NRXN3: variants seen among roughly 807,000 people sequenced by gnomAD.
NRXN3 encodes the protein neurexin III.
In NRXN3, 32 loss-of-function variants were observed where a neutral mutation model predicts 137.6. The ratio of observed to expected loss-of-function variants is 0.23; its 90% CI spans 0.18 to 0.31. The LOEUF (loss-of-function observed/expected upper bound fraction) is 0.31, where lower values mean the gene tolerates loss of function less well. Among genes scored for constraint, NRXN3 ranks in the 10% least tolerant of loss-of-function variants. The pLI is 1.00. For synonymous variants in NRXN3, 798 were observed against 784.5 expected, an observed-to-expected ratio of 1.02 and a Z score of -0.29; for missense variants, 1,574 against 2,062.5, an observed-to-expected ratio of 0.76 and a Z score of 4.59.
chr14:79,584,383 A>G (rs966633229), intron 16 of NRXN3, among the ~76,000 whole-genome samples: 8 of 152,234 alleles, frequency 5.3e-5, no homozygotes, highest in South Asian at 4.2e-4. Flanking sequence ...AGAATACCCT[A>G]CTCTTCACAG....
chr14:78,699,224 T>C (rs371203976), intron 6 of NRXN3, among the ~76,000 whole-genome samples: 3 of 152,206 alleles, frequency 2.0e-5, no homozygotes, highest in South Asian at 2.1e-4. Context: ...GGTAGAAATA[T>C]TGAAGAAGGT....
intron 15 of NRXN3, among the ~76,000 whole-genome samples, chr14:79,390,806 C>T (rs2094820520): frequency 6.6e-6 from 1 of 152,094 alleles, no homozygotes; most frequent in African/African-American, 2.4e-5. Flanking sequence ...AGACTTAATC[C>T]TCAAGGCAAC....
rs2073973693 is a variant in NRXN3 at position 78,278,713 on chromosome 14, T to C, written c.727+51T>C. 7 of 1,485,246 alleles carry C rather than the reference T, an allele frequency of 4.7e-6. No individual in the cohort carries two copies. In the South Asian group the frequency reaches 7.2e-5, roughly 15 times the overall value. The allele number at this position is 1,485,246 out of a possible 1,614,324, so 92.0% of individuals were successfully genotyped here. A position where few individuals can be genotyped will look rare whatever the true frequency, so the allele number is the denominator to read the frequency against. ...CTGTGGGAATTTCCCCTCTGCTAGA[T>C]TGTGCATGGTTTGAGTCTGAGTGAG... On this transcript the variant is annotated intron_variant, in intron 3 of 20. Transcript: ENST00000335750.
At chr14:79,625,301 A>G (rs2153911085) in intron 16 of NRXN3, among the ~76,000 whole-genome samples, 1 of 152,328 alleles carries the variant, frequency 6.6e-6, no homozygotes, top group Non-Finnish European at 1.5e-5. Flanking sequence ...GAAAAAAATG[A>G]ACATGTGGGT....
chr14:79,803,488 G>A (rs1039291138), intron 19 of NRXN3, among the ~76,000 whole-genome samples: 2 of 152,084 alleles, frequency 1.3e-5, no homozygotes, highest in Non-Finnish European at 2.9e-5. Context: ...TCCTCCCACT[G>A]GGTATGTCTG....
chr14:78,434,976 T>C (rs186541467), intron 4 of NRXN3, among the ~76,000 whole-genome samples: 11 of 152,306 alleles, frequency 7.2e-5, no homozygotes, highest in Admixed American at 5.2e-4. Flanking sequence ...TGCAGGCGGC[T>C]AAAGCCATTC....
At position 78,246,412 on chromosome 14, in the gene NRXN3, G is replaced by C. The variant is rs180935972; in HGVS notation, c.709+2610G>C. ...CCTACAAGGTTCAGATCATCTCCTG[G>C]CTACGGATTGATACCCCTATCTGTA... On this transcript the variant is annotated intron_variant, in intron 2 of 20. Coordinates refer to ENST00000335750, the MANE Select transcript of NRXN3 (RefSeq NM_001330195.2). 7.9e-5 allele frequency among the ~76,000 whole-genome samples: 12 copies of C among 152,026 alleles called. No homozygotes were observed. The East Asian group carries it at 2.3e-3, about 29-fold the overall frequency.
At chr14:78,555,337 A>G (rs1035635916) in intron 4 of NRXN3, among the ~76,000 whole-genome samples, 1 of 152,204 alleles carries the variant, frequency 6.6e-6, no homozygotes, top group Non-Finnish European at 1.5e-5. Flanking sequence ...AAATTGAGTC[A>G]TGTAATGGAT....
chr14:79,588,448 T>A (rs2097778487), intron 16 of NRXN3, among the ~76,000 whole-genome samples: 1 of 152,228 alleles, frequency 6.6e-6, no homozygotes, highest in Admixed American at 6.5e-5. Flanking sequence ...CCCAGCTATA[T>A]CCTGTTAGTT....
intron 16 of NRXN3, among the ~76,000 whole-genome samples, chr14:79,508,674 G>A (rs112262286): frequency 6.6e-6 from 1 of 151,682 alleles, no homozygotes; most frequent in East Asian, 2.0e-4. Context: ...TTACAGGTGT[G>A]AGCCACCGCG....
At chr14:79,275,116 A>G (rs2080080796) in intron 15 of NRXN3, among the ~76,000 whole-genome samples, 1 of 152,232 alleles carries the variant, frequency 6.6e-6, no homozygotes. Flanking sequence ...CTGACATGTA[A>G]TAAAGCAAAG....
At chr14:79,412,227 A>T (rs1449416566) in intron 15 of NRXN3, among the ~76,000 whole-genome samples, 1 of 152,128 alleles carries the variant, frequency 6.6e-6, no homozygotes, top group Non-Finnish European at 1.5e-5. Context: ...ATGTGTGCCT[A>T]AATATCTTCA....
intron 8 of NRXN3, among the ~76,000 whole-genome samples, chr14:78,791,533 C>T (rs1446862778): frequency 6.6e-6 from 1 of 152,082 alleles, no homozygotes; most frequent in Non-Finnish European, 1.5e-5. Context: ...TACTAATATC[C>T]TTATATATGA....
intron 16 of NRXN3, among the ~76,000 whole-genome samples, chr14:79,553,969 T>C (rs895485321): frequency 6.6e-6 from 1 of 152,176 alleles, no homozygotes; most frequent in Non-Finnish European, 1.5e-5. Flanking sequence ...TAATTTATGA[T>C]GATGGAGTCA....
rs376793507 is a variant in NRXN3 at position 79,162,419 on chromosome 14, T to C, written c.3262+174278T>C. On this transcript the variant is annotated intron_variant, in intron 15 of 20. Transcript: ENST00000335750. ...TTGGTTTTTTGTTCTTGCGATAGTT[T>C]ACTGAGAATGATGATTTCCAGTTTC... is the stretch of plus-strand genomic sequence containing the variant. Among the ~76,000 whole-genome samples the C allele has an allele frequency of 9.9e-5, 15 of 151,918 alleles. No homozygotes were observed. In the South Asian group the frequency reaches 3.1e-3, roughly 32 times the overall value.
chr14:78,834,240 G>A (rs1057224003), intron 10 of NRXN3, among the ~76,000 whole-genome samples: 3 of 152,114 alleles, frequency 2.0e-5, no homozygotes, highest in Non-Finnish European at 2.9e-5. Flanking sequence ...ATGTGATTCC[G>A]TTATGTATTG....
intron 2 of NRXN3, among the ~76,000 whole-genome samples, chr14:78,269,938 A>C (rs1040033533): frequency 6.6e-6 from 1 of 152,192 alleles, no homozygotes; most frequent in Admixed American, 6.5e-5. Context: ...AAGTAATGCA[A>C]TAATTGTGAT....
Position 78,715,096 on chromosome 14 carries a change from C to T in NRXN3, c.2001C>T (p.Cys667=), listed in dbSNP as rs190800652. Residue 667 remains cysteine (C), a synonymous_variant, in exon 8 of 21, where the codon TGC becomes TGT. Coordinates refer to ENST00000335750, the MANE Select transcript of NRXN3 (RefSeq NM_001330195.2). ...AGGACGGCTGGAACCGCTTCATCTG[C>T]GACTGCACCGGCACCGGATACTGGG... ...VCKDGWNRFI[C]DCTGTGYWGR... is the part of the protein sequence containing the mutation. The T allele has an allele frequency of 1.6e-5, 25 of 1,612,386 alleles. No individual in the cohort carries two copies. The South Asian group carries it at 1.6e-4, about 11-fold the overall frequency.
At chr14:78,583,615 G>A (rs113521020) in intron 4 of NRXN3, among the ~76,000 whole-genome samples, 3,925 of 152,282 alleles carry the variant, frequency 0.026, 58 homozygotes, top group African/African-American at 0.031. Flanking sequence ...GAGCATAGTG[G>A]TAGAAGTCAC....
Sources: allele counts gnomAD v4.1 joint callset (sites outside exome capture counted in the v4.1 genomes callset), GRCh38; gene constraint gnomAD v4.1.1; transcripts MANE v1.5; gene names NCBI Gene and HGNC (gene_info 2026-07-23, HGNC 2026-07-21).